The following SLC25A48 variants were observed in gnomAD, a reference collection of about 807,000 sequenced individuals.
The protein encoded by SLC25A48 is CTC-321K16.1.
A neutral mutation model predicts 32.2 loss-of-function variants in SLC25A48; 29 were observed. That is an observed-to-expected ratio of 0.90 (90% CI 0.67 to 1.23). The LOEUF (loss-of-function observed/expected upper bound fraction) is 1.23. Among genes scored for constraint, SLC25A48 ranks in the 50% most tolerant of loss-of-function variants. The pLI is 0.00. For synonymous variants in SLC25A48, 164 were observed against 172.3 expected, an observed-to-expected ratio of 0.95 and a Z score of 0.38; for missense variants, 399 against 422.7, an observed-to-expected ratio of 0.94 and a Z score of 0.49.
At chr5:135,753,219 G>A (rs1755811544) in intron 3 of SLC25A48, among the ~76,000 whole-genome samples, 1 of 151,900 alleles carries the variant, frequency 6.6e-6, no homozygotes, top group African/African-American at 2.4e-5. Context: ...TACACCCACT[G>A]TGATATTACC....
intron 3 of SLC25A48, among the ~76,000 whole-genome samples, chr5:135,799,725 G>GC (rs1406365030): frequency 1.3e-5 from 2 of 151,726 alleles, no homozygotes; most frequent in Admixed American, 6.6e-5. Context: ...AATATCCGCT[G>GC]CAGAGAGAGG....
intron 3 of SLC25A48, among the ~76,000 whole-genome samples, chr5:135,745,782 T>C (rs1466034008): frequency 2.6e-5 from 4 of 152,166 alleles, no homozygotes; most frequent in African/African-American, 9.6e-5. Flanking sequence ...GCACAGTACC[T>C]ACGAGGCGGT....
intron 4 of SLC25A48, among the ~76,000 whole-genome samples, chr5:135,859,552 C>A (rs1349070530): frequency 1.3e-5 from 2 of 152,192 alleles, no homozygotes; most frequent in Non-Finnish European, 2.9e-5. Context: ...GCCAGCCACA[C>A]CACGTGGGAG....
intron 3 of SLC25A48, among the ~76,000 whole-genome samples, chr5:135,723,138 T>C (rs72789474): frequency 0.14 from 21,426 of 152,204 alleles, 1,737 homozygotes; most frequent in South Asian, 0.2. Flanking sequence ...AAGAGGCTTC[T>C]AGCAAGCTCA....
chr5:135,757,543 CTA>C (rs1755946202), intron 3 of SLC25A48, among the ~76,000 whole-genome samples: 1 of 149,038 alleles, frequency 6.7e-6, no homozygotes, highest in Non-Finnish European at 1.5e-5. Context: ...AAAATATCAT[CTA>C]TATATTTATA....
At chr5:135,773,904 A>C (rs1157983989) in intron 3 of SLC25A48, among the ~76,000 whole-genome samples, 1 of 151,666 alleles carries the variant, frequency 6.6e-6, no homozygotes, top group East Asian at 1.9e-4. Flanking sequence ...ATTGGTCTTA[A>C]TATCTATAAG....
At chr5:135,606,852 G>A (rs1163276466) in intron 1 of SLC25A48, among the ~76,000 whole-genome samples, 1 of 152,208 alleles carries the variant, frequency 6.6e-6, no homozygotes, top group Non-Finnish European at 1.5e-5. Context: ...ACGTGTATTT[G>A]ATTTGCTTTT....
intron 1 of SLC25A48, among the ~76,000 whole-genome samples, chr5:135,580,795 A>T (rs142360675): frequency 9.7e-4 from 148 of 152,308 alleles, no homozygotes; most frequent in African/African-American, 3.5e-3. Flanking sequence ...TTCCCAAAGC[A>T]TCCTCTTTTT....
At chr5:135,595,024 T>A (rs868463140) in intron 1 of SLC25A48, among the ~76,000 whole-genome samples, 1 of 152,188 alleles carries the variant, frequency 6.6e-6, no homozygotes, top group African/African-American at 2.4e-5. Flanking sequence ...CTCAGCCTCA[T>A]CGATCTGAGG....
At chr5:135,716,383 G>A (rs1754798558) in intron 3 of SLC25A48, among the ~76,000 whole-genome samples, 2 of 152,202 alleles carry the variant, frequency 1.3e-5, no homozygotes, top group African/African-American at 2.4e-5. Flanking sequence ...ATATGGGCCA[G>A]CAGGTGCATG....
chr5:135,624,007 C>G (rs1032753322), intron 1 of SLC25A48, among the ~76,000 whole-genome samples: 1 of 152,192 alleles, frequency 6.6e-6, no homozygotes, highest in African/African-American at 2.4e-5. Flanking sequence ...TGCTGCTTCT[C>G]TTGTCAGTAG....
rs1751316860 is a variant in SLC25A48 at position 135,584,488 on chromosome 5, G to A, written c.-849+4891G>A. Among the ~76,000 whole-genome samples the A allele has an allele frequency of 2.0e-5, 3 of 152,210 alleles. No individual in the cohort carries two copies. In the East Asian group the frequency reaches 5.8e-4, roughly 29 times the overall value. ...AATGAGGAAATGTTTATTTTAAATA[G>A]CAACATCCAAAGCTGATAATGGTAA... On this transcript the variant is annotated intron_variant, in intron 1 of 10. Coordinates refer to the SLC25A48 transcript ENST00000646290.
At chr5:135,610,153 C>T (rs1752032207) in intron 1 of SLC25A48, among the ~76,000 whole-genome samples, 1 of 152,108 alleles carries the variant, frequency 6.6e-6, no homozygotes, top group Admixed American at 6.5e-5. Context: ...GCATGGAGAG[C>T]CCAGGAAAGG....
chr5:135,881,081 TG>T (rs1762439805), intron 7 of SLC25A48, among the ~76,000 whole-genome samples: 1 of 152,226 alleles, frequency 6.6e-6, no homozygotes, highest in Non-Finnish European at 1.5e-5. Context: ...TGTCATCGGA[TG>T]GGTGGATGAC....
At chr5:135,667,030 T>G (rs1172464958) in intron 3 of SLC25A48, among the ~76,000 whole-genome samples, 2 of 152,312 alleles carry the variant, frequency 1.3e-5, no homozygotes, top group Admixed American at 1.3e-4. Context: ...TTTTCTGGCT[T>G]TTTAAAAGGA....
intron 1 of SLC25A48, among the ~76,000 whole-genome samples, chr5:135,592,370 A>G (rs1165633705): frequency 1.3e-5 from 2 of 151,970 alleles, no homozygotes; most frequent in Non-Finnish European, 2.9e-5. Flanking sequence ...AAACATCTTG[A>G]CTTTGTTCTG....
intron 3 of SLC25A48, among the ~76,000 whole-genome samples, chr5:135,637,558 A>AT (rs1168242534): frequency 6.6e-6 from 1 of 152,178 alleles, no homozygotes. Flanking sequence ...AAAGATCAAG[A>AT]TGAGGAGTAT....
chr5:135,834,719 G>A lies in SLC25A48; in HGVS notation c.-129G>A, dbSNP rs1758349482. 2.0e-6 allele frequency: 2 copies of A among 1,016,872 alleles called. No homozygotes were observed. The highest frequency in any genetic ancestry group is 2.8e-6 in the Non-Finnish European group (2 of 704,668). The allele number at this position is 1,016,872 out of a possible 1,614,324, so 63.0% of individuals were successfully genotyped here. A position where few individuals can be genotyped will look rare whatever the true frequency, so the allele number is the denominator to read the frequency against. Reference sequence around the variant, plus strand: ...GCCGGTGACTGGGGGACTGGGTTTGGAGTAGGACCTGCGGCGTGCTCGAGA... The same window carrying A: ...GCCGGTGACTGGGGGACTGGGTTTGAAGTAGGACCTGCGGCGTGCTCGAGA... On this transcript the variant is annotated 5_prime_UTR_variant, in exon 1 of 8. Transcript: ENST00000681962.
At chr5:135,764,191 C>T (rs1756141926) in intron 3 of SLC25A48, among the ~76,000 whole-genome samples, 1 of 151,898 alleles carries the variant, frequency 6.6e-6, no homozygotes, top group Non-Finnish European at 1.5e-5. Context: ...GTACATCCCC[C>T]AGTGATATGG....
Sources: allele counts gnomAD v4.1 joint callset (sites outside exome capture counted in the v4.1 genomes callset), GRCh38; gene constraint gnomAD v4.1.1; transcripts MANE v1.5; gene names NCBI Gene and HGNC (gene_info 2026-07-23, HGNC 2026-07-21).